MLLT3: variants seen among roughly 807,000 people sequenced by gnomAD.
MLLT3 encodes the protein MLLT3 super elongation complex subunit.
Under a neutral mutation model 53.2 loss-of-function variants are expected in MLLT3, and 4 were observed. That is an observed-to-expected ratio of 0.08 (90% confidence interval 0.04 to 0.17). The LOEUF (loss-of-function observed/expected upper bound fraction) is 0.17, where lower values mean the gene tolerates loss of function less well. Among genes scored for constraint, MLLT3 ranks in the 10% least tolerant of loss-of-function variants. The pLI is 1.00. For synonymous variants in MLLT3, 283 were observed against 230.6 expected (o/e 1.23, Z -2.06); for missense variants, 569 against 684.0 (o/e 0.83, Z 1.87).
chr9:20,346,939 A>C (rs549038587), intron 10 of MLLT3, among the ~76,000 whole-genome samples: 1 of 152,152 alleles, frequency 6.6e-6, no homozygotes, highest in African/African-American at 2.4e-5. Context: ...CTTAATAGAC[A>C]TAAGAAAAAT....
At chr9:20,414,807 C>T (rs1039035630) in intron 4 of MLLT3, among the ~76,000 whole-genome samples, 5 of 152,028 alleles carry the variant, frequency 3.3e-5, no homozygotes, top group South Asian at 2.1e-4. Context: ...AACCAAAAGA[C>T]GGGAACTATT....
At chr9:20,463,937 A>G (rs765701463) in intron 2 of MLLT3, among the ~76,000 whole-genome samples, 7 of 152,080 alleles carry the variant, frequency 4.6e-5, no homozygotes, top group Non-Finnish European at 1.0e-4. Context: ...TTTTCATTTC[A>G]GTGTGTACTA....
At position 20,344,696 on chromosome 9, in the gene MLLT3, G is replaced by C. The variant is rs772705473; in HGVS notation, c.*1747C>G. The stretch of plus-strand genomic sequence containing the variant: ...TTTTTAAAGGAAAAATAGTTTCTTT[G>C]GATAGAAAGAAACAGTGTAAAAAAT... On this transcript the variant is annotated 3_prime_UTR_variant, in exon 11 of 11. Coordinates refer to ENST00000380338, the MANE Select transcript of MLLT3 (RefSeq NM_004529.4). 1.8e-4 allele frequency: 37 copies of C among 206,504 alleles called. No individual in the cohort carries two copies. Among genetic ancestry groups the C allele is most frequent in the Admixed American group, 1.4e-3 (23 of 16,842 alleles). 12.8% of individuals were successfully genotyped at this position (206,504 alleles called of 1,614,324 possible). A position where few individuals can be genotyped will look rare whatever the true frequency, so the allele number is the denominator to read the frequency against.
chr9:20,347,445 T>C (rs1290508527), intron 10 of MLLT3, among the ~76,000 whole-genome samples: 1 of 152,212 alleles, frequency 6.6e-6, no homozygotes, highest in Non-Finnish European at 1.5e-5. Flanking sequence ...TCTTCTTGTA[T>C]TGGCTCCAAC....
At chr9:20,481,760 T>C (rs1045667857) in intron 2 of MLLT3, among the ~76,000 whole-genome samples, 5 of 152,146 alleles carry the variant, frequency 3.3e-5, no homozygotes, top group African/African-American at 9.7e-5. Flanking sequence ...AAAATTCAGT[T>C]CCCTCACATA....
At chr9:20,554,323 A>G (rs556758825) in intron 2 of MLLT3, among the ~76,000 whole-genome samples, 1 of 152,320 alleles carries the variant, frequency 6.6e-6, no homozygotes, top group East Asian at 1.9e-4. Flanking sequence ...GAAAATTCAT[A>G]GTCTGGCAGA....
chr9:20,599,600 T>G (rs764310187), intron 2 of MLLT3, among the ~76,000 whole-genome samples: 1 of 152,082 alleles, frequency 6.6e-6, no homozygotes, highest in Non-Finnish European at 1.5e-5. Context: ...AAAGTAGAGA[T>G]ATGACCTAGA....
intron 2 of MLLT3, among the ~76,000 whole-genome samples, chr9:20,482,167 A>C (rs1824678894): frequency 1.3e-5 from 2 of 152,224 alleles, no homozygotes; most frequent in South Asian, 4.1e-4. Context: ...ATAGGAGGCC[A>C]TAGTTTTGGA....
At chr9:20,479,974 T>C (rs1428286995) in intron 2 of MLLT3, among the ~76,000 whole-genome samples, 1 of 151,516 alleles carries the variant, frequency 6.6e-6, no homozygotes. Context: ...CAACAGAGAG[T>C]TCCCATGATG....
chr9:20,453,979 C>T (rs1194649051), intron 3 of MLLT3, among the ~76,000 whole-genome samples: 2 of 151,966 alleles, frequency 1.3e-5, no homozygotes, highest in Admixed American at 1.3e-4. Context: ...TTAAAGAAAG[C>T]CTAAAACTAG....
intron 8 of MLLT3, 108 bp from the exon 9 acceptor site, chr9:20,354,987 T>G: frequency 1.5e-6 from 1 of 647,076 alleles, no homozygotes; most frequent in Non-Finnish European, 2.7e-6. Context: ...TAACATTTGC[T>G]TTCCAAATAG....
At chr9:20,596,952 T>G (rs1563836568) in intron 2 of MLLT3, among the ~76,000 whole-genome samples, 1 of 152,172 alleles carries the variant, frequency 6.6e-6, no homozygotes. Flanking sequence ...ATTTAAATAG[T>G]CCTCTATTTC....
chr9:20,413,613 C>T (rs139901270), intron 5 of MLLT3, 108 bp downstream of exon 5: 3 of 920,616 alleles, frequency 3.3e-6, no homozygotes, highest in East Asian at 2.7e-5. Flanking sequence ...TCTGTGCTAC[C>T]ATTTTATGGC....
intron 2 of MLLT3, among the ~76,000 whole-genome samples, chr9:20,561,771 A>G (rs1819218911): frequency 6.6e-6 from 1 of 152,210 alleles, no homozygotes; most frequent in Non-Finnish European, 1.5e-5. Context: ...TTGCAAAACC[A>G]TATGGCACAC....
chr9:20,514,701 A>G (rs912839146), intron 2 of MLLT3, among the ~76,000 whole-genome samples: 1 of 152,074 alleles, frequency 6.6e-6, no homozygotes, highest in African/African-American at 2.4e-5. Context: ...CTAGGGCAAG[A>G]TAGAAACTGT....
chr9:20,536,072 C>T (rs548029240), intron 2 of MLLT3, among the ~76,000 whole-genome samples: 6 of 152,116 alleles, frequency 3.9e-5, no homozygotes, highest in Admixed American at 3.3e-4. Flanking sequence ...TGTAGTCAAG[C>T]AGGCAAAGAG....
intron 5 of MLLT3, among the ~76,000 whole-genome samples, chr9:20,408,182 G>A (rs945502184): frequency 3.9e-4 from 59 of 151,948 alleles, no homozygotes; most frequent in African/African-American, 1.2e-3. Context: ...GCTACCCAAG[G>A]GCTTCTAAGG....
chr9:20,352,757 T>TA (rs567434875), intron 10 of MLLT3, among the ~76,000 whole-genome samples: 7 of 144,060 alleles, frequency 4.9e-5, no homozygotes, highest in Non-Finnish European at 9.1e-5. Context: ...GATTAAGTAC[T>TA]AACGTCAAGT....
At position 20,621,991 on chromosome 9, in the gene MLLT3, G is replaced by C; in HGVS notation, c.12+254C>G. The stretch of plus-strand genomic sequence containing the variant: ...GTGACTGCAAAGAGGCGAGGAGGGA[G>C]GGAGGCGCGGGGGGTGGAGGGGCGA... On this transcript the variant is annotated intron_variant, in intron 1 of 10. Coordinates refer to ENST00000380338, the MANE Select transcript of MLLT3 (RefSeq NM_004529.4). The surrounding 1 kb of genome is among the most constrained non-coding windows in gnomAD (Gnocchi z 7.0). The C allele has an allele frequency of 7.1e-7, 1 of 1,398,938 alleles. No homozygotes were observed. The highest frequency in any genetic ancestry group is 9.2e-7 in the Non-Finnish European group (1 of 1,083,308). 86.7% of individuals were successfully genotyped at this position (1,398,938 alleles called of 1,614,324 possible). A position where few individuals can be genotyped will look rare whatever the true frequency, so the allele number is the denominator to read the frequency against.
Sources: gnomAD v4.1 joint callset for allele counts (sites outside exome capture counted in the v4.1 genomes callset) on GRCh38, gnomAD v4.1.1 for gene constraint, Gnocchi (gnomAD v3.1) non-coding constraint, MANE v1.5 for transcripts, NCBI Gene and HGNC (gene_info 2026-07-23, HGNC 2026-07-21) for gene names.